The following MISP3 variants were observed in gnomAD, a reference collection of about 807,000 sequenced individuals.
MISP3 encodes uncharacterized protein MISP3.
Under a neutral mutation model 5.5 loss-of-function variants are expected in MISP3, and 9 were observed. The ratio of observed to expected loss-of-function variants is 1.65; its 90% CI spans 0.99 to 2.87. The LOEUF (loss-of-function observed/expected upper bound fraction) is 2.87, where lower values mean the gene tolerates loss of function less well. MISP3 is among the 30% of genes most tolerant of loss of function. MISP3 has a pLI of 0.00. For synonymous variants in MISP3, 87 were observed against 38.1 expected (o/e 2.28, Z -4.73); for missense variants, 152 against 84.1 (o/e 1.81, Z -3.16).
chr19:14,073,073 G>A lies in MISP3; in HGVS notation c.-237G>A, dbSNP rs1393047760. On this transcript the variant is annotated 5_prime_UTR_variant, in exon 1 of 3. Coordinates refer to ENST00000587086, the MANE Select transcript of MISP3 (RefSeq NM_001291291.2). The surrounding 1 kb of genome is among the most constrained non-coding windows in gnomAD (Gnocchi z 8.5). ...CCTGGAGCAAGAGAGCGAAGTCCTCGAGCCATCAGTCGAGCAGGACGCAGA... is the reference window on the plus strand; with the variant it reads ...CCTGGAGCAAGAGAGCGAAGTCCTCAAGCCATCAGTCGAGCAGGACGCAGA... 5 of 610,236 alleles carry A rather than the reference G, an allele frequency of 8.2e-6. No homozygotes were observed. Among genetic ancestry groups the A allele is most frequent in the Non-Finnish European group, 1.5e-5 (5 of 325,988 alleles). The allele number at this position is 610,236 out of a possible 1,614,324, so 37.8% of individuals were successfully genotyped here.
rs955439388 is a variant in MISP3, at chr19:14,074,317, T to C, written c.569-73T>C. 7 of 692,316 alleles carry C rather than the reference T, an allele frequency of 1.0e-5. No homozygotes were observed. The highest frequency in any genetic ancestry group is 6.2e-5 in the Admixed American group (3 of 48,568). 42.9% of individuals were successfully genotyped at this position (692,316 alleles called of 1,614,324 possible). A position where few individuals can be genotyped will look rare whatever the true frequency, so the allele number is the denominator to read the frequency against. On this transcript the variant is annotated intron_variant, in intron 1 of 2. Coordinates refer to ENST00000587086, the MANE Select transcript of MISP3 (RefSeq NM_001291291.2). The surrounding 1 kb of genome is among the most constrained non-coding windows in gnomAD (Gnocchi z 4.4). ...GAGGCGGAGGGTGAACGCCTGTGTG[T>C]GTTTAAGGGGTGCGGCCGGCCTTTC...
Position 14,074,243 on chromosome 19 carries a change from C to T in MISP3, c.569-147C>T, listed in dbSNP as rs1204844623. The T allele has an allele frequency of 3.3e-6, 2 of 611,612 alleles. No individual in the cohort carries two copies. Among genetic ancestry groups the T allele is most frequent in the South Asian group, 1.9e-5 (1 of 52,246 alleles). 37.9% of individuals were successfully genotyped at this position (611,612 alleles called of 1,614,324 possible). A position where few individuals can be genotyped will look rare whatever the true frequency, so the allele number is the denominator to read the frequency against. ...TTCTCCATTCTGGGTTCACCTCCCT[C>T]CTCCCTCGGGTTCCTGGGTGCCTGG... On this transcript the variant is annotated intron_variant, in intron 1 of 2. Coordinates refer to ENST00000587086, the MANE Select transcript of MISP3 (RefSeq NM_001291291.2). This position sits in a 1 kb window ranked among gnomAD's most constrained non-coding sequence, Gnocchi z 4.4.
chr19:14,072,968 A>G lies in MISP3; in HGVS notation c.-342A>G, dbSNP rs1336236771. On this transcript the variant is annotated 5_prime_UTR_variant, in exon 1 of 3. Coordinates refer to ENST00000587086, the MANE Select transcript of MISP3 (RefSeq NM_001291291.2). This position sits in a 1 kb window ranked among gnomAD's most constrained non-coding sequence, Gnocchi z 6.8. ...CTGAAGAGGAGGGCCAGGAGTCCCC[A>G]GGGCCAGACAGCGAAGCCCCAGAGC... The G allele has an allele frequency of 2.1e-6, 1 of 476,390 alleles. No individual in the cohort carries two copies. The highest frequency in any genetic ancestry group is 1.5e-5 in the South Asian group (1 of 64,734). 29.5% of individuals were successfully genotyped at this position (476,390 alleles called of 1,614,324 possible).
At position 14,074,046 on chromosome 19, in the gene MISP3, T is replaced by G. The variant is rs975321836; in HGVS notation, c.568+169T>G. Reference sequence around the variant, plus strand: ...CTTGCCTACCCCTTCTGGAGCTCCATTACTCGCTGTGATCCACCCCTCCAC... The same window carrying G: ...CTTGCCTACCCCTTCTGGAGCTCCAGTACTCGCTGTGATCCACCCCTCCAC... On this transcript the variant is annotated intron_variant, in intron 1 of 2. Coordinates refer to ENST00000587086, the MANE Select transcript of MISP3 (RefSeq NM_001291291.2). The surrounding 1 kb of genome is among the most constrained non-coding windows in gnomAD (Gnocchi z 4.4). The G allele has an allele frequency of 6.7e-6, 4 of 594,306 alleles. No individual in the cohort carries two copies. The highest frequency in any genetic ancestry group is 3.0e-6 in the Non-Finnish European group (1 of 333,908). 36.8% of individuals were successfully genotyped at this position (594,306 alleles called of 1,614,324 possible).
rs1976614355 is a variant in MISP3, at chr19:14,073,126, C to T, written c.-184C>T. Reference sequence around the variant, plus strand: ...GCCCCGGGCTGTCCACAGCTGCGGGCTTTGAGAGTCCTGAGCCAGGCAGAG... The same window carrying T: ...GCCCCGGGCTGTCCACAGCTGCGGGTTTTGAGAGTCCTGAGCCAGGCAGAG... On this transcript the variant is annotated 5_prime_UTR_variant, in exon 1 of 3. Transcript: ENST00000587086. This position sits in a 1 kb window ranked among gnomAD's most constrained non-coding sequence, Gnocchi z 8.5. 1 of 661,908 alleles carries T rather than the reference C, an allele frequency of 1.5e-6. No individual in the cohort carries two copies. The highest frequency in any genetic ancestry group is 1.8e-5 in the African/African-American group (1 of 55,770). The allele number at this position is 661,908 out of a possible 1,614,324, so 41.0% of individuals were successfully genotyped here. A position where few individuals can be genotyped will look rare whatever the true frequency, so the allele number is the denominator to read the frequency against.
rs1441185253 is a variant in MISP3, at chr19:14,073,609, G to A, written c.300G>A (p.Lys100=). The A allele has an allele frequency of 2.7e-5, 9 of 332,118 alleles. No homozygotes were observed. Among genetic ancestry groups the A allele is most frequent in the Non-Finnish European group, 2.7e-5 (5 of 183,586 alleles). The allele number at this position is 332,118 out of a possible 1,614,324, so 20.6% of individuals were successfully genotyped here. A position where few individuals can be genotyped will look rare whatever the true frequency, so the allele number is the denominator to read the frequency against. The change falls in exon 1 of 3, where the codon AAG becomes AAA. Residue 100 remains lysine (K), a synonymous_variant. Transcript: ENST00000587086. The surrounding 1 kb of genome is among the most constrained non-coding windows in gnomAD (Gnocchi z 8.5). Reference sequence around the variant, plus strand: ...CGCCGCAGCCGCTGGGCGAACTCAAGCGCTTCTTCGAGGCCGCGGCGGGGA... The same window carrying A: ...CGCCGCAGCCGCTGGGCGAACTCAAACGCTTCTTCGAGGCCGCGGCGGGGA... ...RSPPQPLGEL[K]RFFEAAAGSG...
At position 14,074,167 on chromosome 19, in the gene MISP3, G is replaced by A. The variant is rs1976647816; in HGVS notation, c.569-223G>A. On this transcript the variant is annotated intron_variant, in intron 1 of 2. Coordinates refer to ENST00000587086, the MANE Select transcript of MISP3 (RefSeq NM_001291291.2). This position sits in a 1 kb window ranked among gnomAD's most constrained non-coding sequence, Gnocchi z 4.4. Reference sequence around the variant, plus strand: ...TTTTTGTCGGGTTCCAGGGAACCCTGACTGGGTTCTGGCACTCCTGGGTCC... The same window carrying A: ...TTTTTGTCGGGTTCCAGGGAACCCTAACTGGGTTCTGGCACTCCTGGGTCC... The A allele has an allele frequency of 1.7e-6, 1 of 594,866 alleles. No individual in the cohort carries two copies. The highest frequency in any genetic ancestry group is 1.9e-5 in the African/African-American group (1 of 53,688). The allele number at this position is 594,866 out of a possible 1,614,324, so 36.8% of individuals were successfully genotyped here.
rs749573950 is a variant in MISP3 at position 14,073,215 on chromosome 19, C to G, written c.-95C>G. 3.0e-6 allele frequency: 2 copies of G among 675,636 alleles called. No homozygotes were observed. Among genetic ancestry groups the G allele is most frequent in the South Asian group, 3.0e-5 (2 of 66,584 alleles). The allele number at this position is 675,636 out of a possible 1,614,324, so 41.9% of individuals were successfully genotyped here. ...CAGGGGCAGCATCCCCCTCCAGGCC[C>G]TAAGACCTCCTCCTCCAGGTCAGGC... On this transcript the variant is annotated 5_prime_UTR_variant, in exon 1 of 3. Transcript: ENST00000587086. The surrounding 1 kb of genome is among the most constrained non-coding windows in gnomAD (Gnocchi z 8.5).
In MISP3 at chr19:14,074,741, A is replaced by T; in HGVS notation, c.*18A>T. ...AACCTTGAGGTTTGAAAAGGCTGGG[A>T]CCCCCGGCCGGAAGTAACGTACGCG... On this transcript the variant is annotated 3_prime_UTR_variant, in exon 3 of 3. Coordinates refer to ENST00000587086, the MANE Select transcript of MISP3 (RefSeq NM_001291291.2). This position sits in a 1 kb window ranked among gnomAD's most constrained non-coding sequence, Gnocchi z 4.4. 1 of 701,260 alleles carries T rather than the reference A, an allele frequency of 1.4e-6. No individual in the cohort carries two copies. The highest frequency in any genetic ancestry group is 2.6e-6 in the Non-Finnish European group (1 of 383,850). The allele number at this position is 701,260 out of a possible 1,614,324, so 43.4% of individuals were successfully genotyped here.
Position 14,073,630 on chromosome 19 carries a change from G to T in MISP3, c.321G>T (p.Ala107=), listed in dbSNP as rs58659592. 2.8e-6 allele frequency: 1 copy of T among 353,884 alleles called. No homozygotes were observed. 21.9% of individuals were successfully genotyped at this position (353,884 alleles called of 1,614,324 possible). The change falls in exon 1 of 3, where the codon GCG becomes GCT. Residue 107 remains alanine, a synonymous_variant. Coordinates refer to ENST00000587086, the MANE Select transcript of MISP3 (RefSeq NM_001291291.2). The surrounding 1 kb of genome is among the most constrained non-coding windows in gnomAD (Gnocchi z 8.5). ...GELKRFFEAA[A]GSGSSAGAGD... ...TCAAGCGCTTCTTCGAGGCCGCGGC[G>T]GGGAGCGGCTCCTCGGCGGGGGCGG...
In MISP3 at chr19:14,073,952, C is replaced by G. The variant is rs915061296; in HGVS notation, c.568+75C>G. The G allele has an allele frequency of 3.0e-6, 2 of 676,502 alleles. No homozygotes were observed. Among genetic ancestry groups the G allele is most frequent in the Admixed American group, 4.5e-5 (2 of 44,532 alleles). 41.9% of individuals were successfully genotyped at this position (676,502 alleles called of 1,614,324 possible). ...CCACCGATTGCCCAACTTCAGTGGC[C>G]CCTCCTGTGGCCCTCCGATTCTCGG... is the stretch of plus-strand genomic sequence containing the variant. On this transcript the variant is annotated intron_variant, in intron 1 of 2. Coordinates refer to ENST00000587086, the MANE Select transcript of MISP3 (RefSeq NM_001291291.2). The surrounding 1 kb of genome is among the most constrained non-coding windows in gnomAD (Gnocchi z 8.5).
In MISP3 at chr19:14,074,639, CACCCCGAGCCTGGATGCAGTGCGCAGG is replaced by C; in HGVS notation, c.643-66_643-40del. ...ACGGTGGTCTTGAGGCCCAAACCGC[CACCCCGAGCCTGGATGCAGTGCGCAGG>C]TCCCTGAGGCCGGCCTTCCTTCTGG... On this transcript the variant is annotated intron_variant, in intron 2 of 2. Transcript: ENST00000587086. This position sits in a 1 kb window ranked among gnomAD's most constrained non-coding sequence, Gnocchi z 4.4. The C allele has an allele frequency of 1.4e-6, 1 of 695,558 alleles. No individual in the cohort carries two copies. Among genetic ancestry groups the C allele is most frequent in the South Asian group, 1.5e-5 (1 of 67,468 alleles). The allele number at this position is 695,558 out of a possible 1,614,324, so 43.1% of individuals were successfully genotyped here.
In MISP3 at chr19:14,072,892, A is replaced by G. The variant is rs1247356728; in HGVS notation, c.-418A>G. ...AACTGAGGCTTCCGAACTGCTTCCAACCCTGGACACGAAGGCCCCCACCGG... is the reference window on the plus strand; with the variant it reads ...AACTGAGGCTTCCGAACTGCTTCCAGCCCTGGACACGAAGGCCCCCACCGG... On this transcript the variant is annotated 5_prime_UTR_variant, in exon 1 of 3. Coordinates refer to ENST00000587086, the MANE Select transcript of MISP3 (RefSeq NM_001291291.2). This position sits in a 1 kb window ranked among gnomAD's most constrained non-coding sequence, Gnocchi z 6.8. The G allele has an allele frequency of 6.8e-6, 3 of 443,344 alleles. No individual in the cohort carries two copies. Among genetic ancestry groups the G allele is most frequent in the African/African-American group, 6.1e-5 (3 of 49,242 alleles). The allele number at this position is 443,344 out of a possible 1,614,324, so 27.5% of individuals were successfully genotyped here.
Position 14,073,168 on chromosome 19 carries a change from C to A in MISP3, c.-142C>A. 1.5e-6 allele frequency: 1 copy of A among 673,926 alleles called. No homozygotes were observed. Among genetic ancestry groups the A allele is most frequent in the Admixed American group, 2.0e-5 (1 of 49,000 alleles). The allele number at this position is 673,926 out of a possible 1,614,324, so 41.7% of individuals were successfully genotyped here. ...CAGGCAGAGACGACCCTGGGCCGTC[C>A]GAAGCGCAAAGGGCGGAGGTCCAGG... On this transcript the variant is annotated 5_prime_UTR_variant, in exon 1 of 3. Transcript: ENST00000587086. This position sits in a 1 kb window ranked among gnomAD's most constrained non-coding sequence, Gnocchi z 8.5.
Position 14,074,815 on chromosome 19 carries a change from CG to C in MISP3, c.*94del. On this transcript the variant is annotated 3_prime_UTR_variant, in exon 3 of 3. Transcript: ENST00000587086. This position sits in a 1 kb window ranked among gnomAD's most constrained non-coding sequence, Gnocchi z 4.4. The stretch of plus-strand genomic sequence containing the variant: ...TCTAGCATTAGGCCTGGAGAAGGGT[CG>C]GCTCTCTGCATTGGGGAAGATGAAA... The C allele has an allele frequency of 1.5e-6, 1 of 677,810 alleles. No homozygotes were observed. Among genetic ancestry groups the C allele is most frequent in the Non-Finnish European group, 2.7e-6 (1 of 364,348 alleles). 42.0% of individuals were successfully genotyped at this position (677,810 alleles called of 1,614,324 possible).
Position 14,073,422 on chromosome 19 carries a change from G to T in MISP3, c.113G>T (p.Arg38Leu). Residue 38 changes from arginine (R) to leucine (L), a missense_variant, in exon 1 of 3, where the codon CGC (arginine) becomes CTC (leucine). Physicochemically the swap from Arg to Leu is moderately radical, Grantham distance 102. Coordinates refer to ENST00000587086, the MANE Select transcript of MISP3 (RefSeq NM_001291291.2). The surrounding 1 kb of genome is among the most constrained non-coding windows in gnomAD (Gnocchi z 8.5). ...GCAGGCCGTGAACTCGTCGAGCTGC[G>T]CGTGCGGCCGGTGCTCAACCTGCCG... ...GRAGRELVEL[R>L]VRPVLNLPGP... The T allele has an allele frequency of 1.5e-6, 1 of 671,138 alleles. No homozygotes were observed. The highest frequency in any genetic ancestry group is 2.7e-6 in the Non-Finnish European group (1 of 372,276). The allele number at this position is 671,138 out of a possible 1,614,324, so 41.6% of individuals were successfully genotyped here. A position where few individuals can be genotyped will look rare whatever the true frequency, so the allele number is the denominator to read the frequency against.
Position 14,073,230 on chromosome 19 carries a change from C to A in MISP3, c.-80C>A. On this transcript the variant is annotated 5_prime_UTR_variant, in exon 1 of 3. Transcript: ENST00000587086. This position sits in a 1 kb window ranked among gnomAD's most constrained non-coding sequence, Gnocchi z 8.5. ...CCTCCAGGCCCTAAGACCTCCTCCT[C>A]CAGGTCAGGCTCGGAAGCCCCCCAC... 1.0e-5 allele frequency: 7 copies of A among 679,544 alleles called. No individual in the cohort carries two copies. The highest frequency in any genetic ancestry group is 1.9e-5 in the Non-Finnish European group (7 of 369,902). 42.1% of individuals were successfully genotyped at this position (679,544 alleles called of 1,614,324 possible).
chr19:14,072,794 C>T lies in MISP3; in HGVS notation c.-516C>T, dbSNP rs1473730295. On this transcript the variant is annotated 5_prime_UTR_variant, in exon 1 of 3. It adds an upstream start codon to the 5' untranslated region. Transcript: ENST00000587086. The surrounding 1 kb of genome is among the most constrained non-coding windows in gnomAD (Gnocchi z 6.8). ...GGTGCGGGCGACGCCTTGGAACCCA[C>T]GGCCGCCACTGCCGCCACAGGTGCC... The T allele has an allele frequency of 2.8e-6, 1 of 357,962 alleles. No homozygotes were observed. The highest frequency in any genetic ancestry group is 5.5e-6 in the Non-Finnish European group (1 of 181,962). The allele number at this position is 357,962 out of a possible 1,614,324, so 22.2% of individuals were successfully genotyped here. A position where few individuals can be genotyped will look rare whatever the true frequency, so the allele number is the denominator to read the frequency against.
In MISP3 at chr19:14,074,393, G is replaced by A; in HGVS notation, c.572G>A (p.Ser191Asn). ...FKEPTPSLTA[S>N]RGDGKLVVIW... ...CTGAGCGCCCCTTCCCCCGCAGCGA[G>A]CAGGGGCGACGGAAAGTTGGTGGTG... Residue 191 changes from serine to asparagine, a missense_variant, in exon 2 of 3, where the codon AGC (serine) becomes AAC (asparagine). Physicochemically the swap from Ser to Asn is conservative, Grantham distance 46. Coordinates refer to ENST00000587086, the MANE Select transcript of MISP3 (RefSeq NM_001291291.2). This position sits in a 1 kb window ranked among gnomAD's most constrained non-coding sequence, Gnocchi z 4.4. The A allele has an allele frequency of 1.4e-6, 1 of 702,838 alleles. No individual in the cohort carries two copies. Among genetic ancestry groups the A allele is most frequent in the South Asian group, 1.5e-5 (1 of 67,588 alleles). 43.5% of individuals were successfully genotyped at this position (702,838 alleles called of 1,614,324 possible).
Sources: allele counts gnomAD v4.1 joint callset, GRCh38; gene constraint gnomAD v4.1.1; non-coding constraint Gnocchi (gnomAD v3.1); transcripts MANE v1.5; gene names NCBI Gene and HGNC (gene_info 2026-07-23, HGNC 2026-07-21).